The following TMEM132B variants were observed in gnomAD, a reference collection of about 807,000 sequenced individuals.
TMEM132B encodes transmembrane protein 132B.
In TMEM132B, 18 loss-of-function variants were observed where a neutral mutation model predicts 90.8. That is an observed-to-expected ratio of 0.20 (90% confidence interval 0.14 to 0.29). The LOEUF is 0.29. Ranked by LOEUF, TMEM132B falls within the 10% of genes least tolerant of loss-of-function variation. The pLI is 1.00. For missense variants in TMEM132B, 1,096 were observed against 1,326.8 expected (o/e 0.83, Z 2.70); for synonymous variants, 504 against 523.3 (o/e 0.96, Z 0.50).
chr12:125,417,582 C>A (rs1880052358), intron 3 of TMEM132B, among the ~76,000 whole-genome samples: 1 of 152,150 alleles, frequency 6.6e-6, no homozygotes, highest in South Asian at 2.1e-4. Context: ...GGTTGCTGAG[C>A]TTATCAGGTG....
chr12:125,472,253 G>A (rs1026943510), intron 3 of TMEM132B, among the ~76,000 whole-genome samples: 26 of 152,260 alleles, frequency 1.7e-4, no homozygotes, highest in African/African-American at 5.8e-4. Context: ...GGGGTACAGC[G>A]ATCACCCAGC....
intron 5 of TMEM132B, among the ~76,000 whole-genome samples, chr12:125,636,454 C>T (rs1285574074): frequency 6.6e-6 from 1 of 152,172 alleles, no homozygotes; most frequent in African/African-American, 2.4e-5. Flanking sequence ...CTTGGTGCTT[C>T]TTAGCCTAGT....
chr12:125,536,283 G>C (rs750532078), intron 4 of TMEM132B, among the ~76,000 whole-genome samples: 2 of 152,216 alleles, frequency 1.3e-5, no homozygotes, highest in Admixed American at 6.5e-5. Flanking sequence ...CCATCTCCCA[G>C]GGACGATGCC....
rs145657983 is a variant in TMEM132B at position 125,253,848 on chromosome 12, A to G, written c.67+66982A>G. ...GCTCAAGGTCACCCGGCTAAGAAGC[A>G]GAGGGTCAGGTTCTGAACCTGGGTC... On this transcript the variant is annotated intron_variant, in intron 1 of 8. Transcript: ENST00000682704. Among the ~76,000 whole-genome samples, 1,359 of 152,332 alleles carry G rather than the reference A, an allele frequency of 8.9e-3. 13 individuals are homozygous for G. Among genetic ancestry groups the G allele is most frequent in the Non-Finnish European group, 0.014 (973 of 68,030 alleles).
chr12:125,321,866 C>A (rs1303519253), intron 1 of TMEM132B, among the ~76,000 whole-genome samples: 1 of 152,032 alleles, frequency 6.6e-6, no homozygotes, highest in Non-Finnish European at 1.5e-5. Flanking sequence ...AAAAAAAGAC[C>A]TGTTTATAAA....
chr12:125,445,008 G>A lies in TMEM132B; in HGVS notation c.1106+29331G>A, dbSNP rs1215942778. 2.0e-5 allele frequency among the ~76,000 whole-genome samples: 3 copies of A among 152,018 alleles called. No individual in the cohort carries two copies. The highest frequency in any genetic ancestry group is 4.4e-5 in the Non-Finnish European group (3 of 68,018). On this transcript the variant is annotated intron_variant, in intron 3 of 8. Transcript: ENST00000682704. The surrounding 1 kb of genome is among the most constrained non-coding windows in gnomAD (Gnocchi z 4.3). ...CCCTACTAGTTCTACATCTCCAGTT[G>A]AACCCTTACTGAAACACTGCTCCAA...
intron 3 of TMEM132B, among the ~76,000 whole-genome samples, chr12:125,510,320 G>A (rs12812347): frequency 0.12 from 18,586 of 152,118 alleles, 1,684 homozygotes; most frequent in Admixed American, 0.29. Flanking sequence ...GCAAAAATAG[G>A]ACCACTCATG....
Position 125,350,144 on chromosome 12 carries a change from C to T in TMEM132B, c.760C>T (p.Pro254Ser), listed in dbSNP as rs765468984. 1.2e-6 allele frequency: 2 copies of T among 1,614,188 alleles called. No homozygotes were observed. The highest frequency in any genetic ancestry group is 4.5e-5 in the East Asian group (2 of 44,882). The change falls in exon 2 of 9, where the codon CCC (proline) becomes TCC (serine). Residue 254 changes from proline (P) to serine (S), a missense_variant. By Grantham distance (74) the Pro-to-Ser change is moderately conservative. Transcript: ENST00000682704. ...ENNIHSGLES[P>S]QQAFPARERI... is the part of the protein sequence containing the mutation. ...CAATATCCACTCGGGCCTGGAGAGC[C>T]CCCAGCAAGCGTTTCCAGCCCGAGA...
chr12:125,299,976 G>T (rs1398758275), intron 1 of TMEM132B, among the ~76,000 whole-genome samples: 1 of 152,202 alleles, frequency 6.6e-6, no homozygotes, highest in African/African-American at 2.4e-5. Flanking sequence ...CCCAAGTCCT[G>T]CTCATGGCCT....
intron 5 of TMEM132B, among the ~76,000 whole-genome samples, chr12:125,622,269 A>G (rs1006351127): frequency 6.6e-6 from 1 of 152,238 alleles, no homozygotes; most frequent in Non-Finnish European, 1.5e-5. Context: ...ATTCTATTAC[A>G]GATATGTTAG....
intron 4 of TMEM132B, among the ~76,000 whole-genome samples, chr12:125,555,587 A>T (rs1012533764): frequency 6.1e-5 from 8 of 130,264 alleles, no homozygotes; most frequent in African/African-American, 2.2e-4. Context: ...GGGGGGAGGG[A>T]TAGCATTAGG....
At chr12:125,523,206 A>G (rs1365846110) in intron 4 of TMEM132B, among the ~76,000 whole-genome samples, 1 of 152,102 alleles carries the variant, frequency 6.6e-6, no homozygotes, top group African/African-American at 2.4e-5. Flanking sequence ...AAACCTACAG[A>G]TTTATTCTCT....
At chr12:125,208,074 G>A (rs146425155) in intron 1 of TMEM132B, among the ~76,000 whole-genome samples, 61 of 152,322 alleles carry the variant, frequency 4.0e-4, no homozygotes, top group African/African-American at 1.4e-3. Context: ...CCACGCCTCA[G>A]TTAATCCAAC....
intron 5 of TMEM132B, 164 bp downstream of exon 5, chr12:125,584,158 G>C (rs758543324): frequency 7.3e-6 from 7 of 954,174 alleles, no homozygotes; most frequent in African/African-American, 3.2e-5. Context: ...AGACTCCCTG[G>C]AATCAGCAGG....
chr12:125,425,280 A>G (rs1880284448), intron 3 of TMEM132B, among the ~76,000 whole-genome samples: 1 of 152,212 alleles, frequency 6.6e-6, no homozygotes, highest in African/African-American at 2.4e-5. Context: ...ATTTTCAATT[A>G]TACATTTACA....
intron 1 of TMEM132B, among the ~76,000 whole-genome samples, chr12:125,189,299 A>C (rs1957781478): frequency 6.6e-6 from 1 of 152,200 alleles, no homozygotes; most frequent in Non-Finnish European, 1.5e-5. Context: ...TTAGCGGTGC[A>C]GTTACAGTCC....
At chr12:125,502,311 C>T (rs535697800) in intron 3 of TMEM132B, among the ~76,000 whole-genome samples, 1 of 152,282 alleles carries the variant, frequency 6.6e-6, no homozygotes, top group East Asian at 1.9e-4. Flanking sequence ...ACAAACCACC[C>T]CCAAATCTCA....
chr12:125,323,142 C>A (rs111454362), intron 1 of TMEM132B, among the ~76,000 whole-genome samples: 1 of 152,118 alleles, frequency 6.6e-6, no homozygotes. Context: ...TTTGCCACTA[C>A]GAAAATGACT....
chr12:125,438,219 T>A (rs1481810735), intron 3 of TMEM132B, among the ~76,000 whole-genome samples: 1 of 152,232 alleles, frequency 6.6e-6, no homozygotes, highest in Non-Finnish European at 1.5e-5. Flanking sequence ...TCAGGGCTGA[T>A]ATGTCCATCT....
Sources: gnomAD v4.1 joint callset for allele counts (sites outside exome capture counted in the v4.1 genomes callset) on GRCh38, gnomAD v4.1.1 for gene constraint, Gnocchi (gnomAD v3.1) non-coding constraint, MANE v1.5 for transcripts, NCBI Gene and HGNC (gene_info 2026-07-23, HGNC 2026-07-21) for gene names.